CNTN3: variants seen among roughly 807,000 people sequenced by gnomAD.
CNTN3 encodes the protein contactin-3.
Under a neutral mutation model 119.1 loss-of-function variants are expected in CNTN3, and 60 were observed. The ratio of observed to expected loss-of-function variants is 0.50; its 90% CI spans 0.41 to 0.62. CNTN3 has a LOEUF of 0.62. Ranked by LOEUF, CNTN3 falls within the 20% of genes least tolerant of loss-of-function variation. The pLI is 0.00. For synonymous variants in CNTN3, 450 were observed against 438.7 expected (o/e 1.03, Z -0.32); for missense variants, 1,101 against 1,242.4 (o/e 0.89, Z 1.71).
chr3:74,470,742 C>T (rs1272654770), intron 4 of CNTN3, among the ~76,000 whole-genome samples: 3 of 152,138 alleles, frequency 2.0e-5, no homozygotes, highest in East Asian at 3.9e-4. Flanking sequence ...CTTTATAAAC[C>T]AGTCTCAACT....
At chr3:74,594,376 C>T in intron 1 of CNTN3, among the ~76,000 whole-genome samples, 1 of 148,802 alleles carries the variant, frequency 6.7e-6, no homozygotes, top group East Asian at 2.0e-4. Flanking sequence ...ATGTGCCATG[C>T]TGGTGCACTG....
chr3:74,330,042 T>C (rs1268209664), intron 13 of CNTN3, among the ~76,000 whole-genome samples: 1 of 152,126 alleles, frequency 6.6e-6, no homozygotes. Flanking sequence ...ACCACATATA[T>C]GACAGTGGTC....
intron 5 of CNTN3, among the ~76,000 whole-genome samples, chr3:74,421,512 T>G (rs1701616228): frequency 6.6e-6 from 1 of 152,200 alleles, no homozygotes; most frequent in Non-Finnish European, 1.5e-5. Flanking sequence ...TTGCTTACTC[T>G]GTTAGGCTGA....
chr3:74,368,542 C>G (rs1334334444), intron 8 of CNTN3, among the ~76,000 whole-genome samples: 1 of 151,752 alleles, frequency 6.6e-6, no homozygotes, highest in African/African-American at 2.4e-5. Flanking sequence ...ACCTAGTTTT[C>G]TTAAAATAAG....
chr3:74,332,670 A>G (rs1254258326), intron 13 of CNTN3, among the ~76,000 whole-genome samples: 2 of 152,206 alleles, frequency 1.3e-5, no homozygotes, highest in African/African-American at 4.8e-5. Context: ...TCAGTCTTTC[A>G]TTACACATTT....
intron 4 of CNTN3, among the ~76,000 whole-genome samples, chr3:74,450,502 G>GGTT (rs759833089): frequency 1.0e-3 from 134 of 128,254 alleles, no homozygotes; most frequent in Middle Eastern, 3.9e-3. Context: ...CTGAAGCCCT[G>GGTT]TTTTTTTTTT....
chr3:74,437,700 T>C (rs1240183152), intron 4 of CNTN3, among the ~76,000 whole-genome samples: 1 of 152,150 alleles, frequency 6.6e-6, no homozygotes, highest in Non-Finnish European at 1.5e-5. Context: ...TATGTGTGTG[T>C]GTGTGTATAT....
chr3:74,415,377 G>C (rs1701503717), intron 5 of CNTN3, among the ~76,000 whole-genome samples: 1 of 152,142 alleles, frequency 6.6e-6, no homozygotes, highest in Non-Finnish European at 1.5e-5. Flanking sequence ...TTGTTTCCAT[G>C]ACCCTGACTC....
At chr3:74,311,032 C>T (rs1025565193) in intron 13 of CNTN3, among the ~76,000 whole-genome samples, 2 of 152,178 alleles carry the variant, frequency 1.3e-5, no homozygotes, top group African/African-American at 4.8e-5. Flanking sequence ...CTTGCAGGCT[C>T]TTTTGAGCTG....
At chr3:74,381,063 TTCTCTC>T (rs934368808) in intron 5 of CNTN3, among the ~76,000 whole-genome samples, 13 of 146,580 alleles carry the variant, frequency 8.9e-5, no homozygotes, top group Non-Finnish European at 1.9e-4. Flanking sequence ...GTTTTTTTTT[TTCTCTC>T]TCTCTCTCTC....
chr3:74,584,134 A>G (rs932843564), intron 1 of CNTN3, among the ~76,000 whole-genome samples: 2 of 152,214 alleles, frequency 1.3e-5, no homozygotes, highest in Admixed American at 6.5e-5. Flanking sequence ...TACATCAAAT[A>G]TATCTCTGGG....
chr3:74,557,887 A>G (rs1017480286), intron 1 of CNTN3, among the ~76,000 whole-genome samples: 1 of 152,078 alleles, frequency 6.6e-6, no homozygotes, highest in African/African-American at 2.4e-5. Flanking sequence ...AGGTAGAGAA[A>G]CCAACAAGAA....
intron 1 of CNTN3, among the ~76,000 whole-genome samples, chr3:74,543,099 C>T (rs1383117985): frequency 1.3e-5 from 2 of 152,006 alleles, no homozygotes; most frequent in Non-Finnish European, 2.9e-5. Flanking sequence ...CACTGCACTC[C>T]ACCCTGGGCA....
chr3:74,450,380 T>C (rs1702126461), intron 4 of CNTN3, among the ~76,000 whole-genome samples: 1 of 152,016 alleles, frequency 6.6e-6, no homozygotes, highest in South Asian at 2.1e-4. Flanking sequence ...TTTGATAAAT[T>C]TCTATGACTC....
intron 11 of CNTN3, among the ~76,000 whole-genome samples, chr3:74,354,569 C>G (rs1703890477): frequency 6.6e-6 from 1 of 151,860 alleles, no homozygotes; most frequent in South Asian, 2.1e-4. Flanking sequence ...TGAAATAGCA[C>G]AAAAACATTG....
At chr3:74,585,373 C>G (rs1704576580) in intron 1 of CNTN3, among the ~76,000 whole-genome samples, 1 of 152,160 alleles carries the variant, frequency 6.6e-6, no homozygotes, top group East Asian at 1.9e-4. Context: ...TATATAAGCC[C>G]AAACTCCATG....
intron 3 of CNTN3, among the ~76,000 whole-genome samples, chr3:74,490,286 GCAGTTAAGTT>G (rs1702938928): frequency 2.6e-5 from 4 of 152,316 alleles, no homozygotes; most frequent in African/African-American, 9.6e-5. Flanking sequence ...CAGAAAAGAT[GCAGTTAAGTT>G]CAAACACTTT....
At chr3:74,273,717 C>T (rs1395602460) in intron 20 of CNTN3, among the ~76,000 whole-genome samples, 1 of 152,146 alleles carries the variant, frequency 6.6e-6, no homozygotes, top group Non-Finnish European at 1.5e-5. Context: ...AGGGATCCTT[C>T]GGGAGGGTGG....
At chr3:74,587,154 T>C (rs1015349351) in intron 1 of CNTN3, among the ~76,000 whole-genome samples, 2 of 151,576 alleles carry the variant, frequency 1.3e-5, no homozygotes, top group Non-Finnish European at 2.9e-5. Flanking sequence ...AGCATAAGAG[T>C]AATGTAATGT....
Sources: allele counts gnomAD v4.1 joint callset (sites outside exome capture counted in the v4.1 genomes callset), GRCh38; gene constraint gnomAD v4.1.1; transcripts MANE v1.5; gene names NCBI Gene and HGNC (gene_info 2026-07-23, HGNC 2026-07-21).